The following GTF2F2 variants were observed in gnomAD, a reference collection of about 807,000 sequenced individuals.
The protein encoded by GTF2F2 is ATP-dependent helicase GTF2F2.
Under a neutral mutation model 42.2 loss-of-function variants are expected in GTF2F2, and 23 were observed. The ratio of observed to expected loss-of-function variants is 0.55; its 90% CI spans 0.39 to 0.77. GTF2F2 has a LOEUF of 0.77. Ranked by LOEUF, GTF2F2 falls within the 30% of genes least tolerant of loss-of-function variation. The pLI is 0.00. For synonymous variants in GTF2F2, 105 were observed against 100.8 expected, an observed-to-expected ratio of 1.04 and a Z score of -0.25; for missense variants, 261 against 287.2, an observed-to-expected ratio of 0.91 and a Z score of 0.66.
chr13:45,153,504 A>G, intron 4 of GTF2F2, among the ~76,000 whole-genome samples: 1 of 152,190 alleles, frequency 6.6e-6, no homozygotes. Flanking sequence ...GTGTAGTAGT[A>G]TGGGAGGCAG....
chr13:45,154,724 T>C (rs939925149), intron 4 of GTF2F2, among the ~76,000 whole-genome samples: 4 of 152,202 alleles, frequency 2.6e-5, no homozygotes, highest in Non-Finnish European at 5.9e-5. Context: ...AGAACAATGC[T>C]CAGTATATAA....
chr13:45,273,021 A>G (rs1876867746), intron 7 of GTF2F2, among the ~76,000 whole-genome samples: 1 of 144,826 alleles, frequency 6.9e-6, no homozygotes, highest in South Asian at 2.2e-4. Flanking sequence ...CCGCCTCCCG[A>G]GTTCAAGCAG....
chr13:45,202,866 T>C (rs1426501797), intron 4 of GTF2F2, among the ~76,000 whole-genome samples: 1 of 152,078 alleles, frequency 6.6e-6, no homozygotes, highest in Non-Finnish European at 1.5e-5. Flanking sequence ...GGCATGAGAA[T>C]TGCTTGAACC....
chr13:45,266,802 CA>C (rs1394459310), intron 6 of GTF2F2, among the ~76,000 whole-genome samples: 1 of 152,194 alleles, frequency 6.6e-6, no homozygotes, highest in Admixed American at 6.5e-5. Context: ...AACTACTGTT[CA>C]GAGGCCTGCT....
At chr13:45,191,841 A>G (rs1872671723) in intron 4 of GTF2F2, among the ~76,000 whole-genome samples, 1 of 152,176 alleles carries the variant, frequency 6.6e-6, no homozygotes, top group Admixed American at 6.5e-5. Flanking sequence ...AATGGTTTCT[A>G]TCAATAATAA....
At chr13:45,210,049 T>C (rs1222409501) in intron 5 of GTF2F2, among the ~76,000 whole-genome samples, 1 of 152,188 alleles carries the variant, frequency 6.6e-6, no homozygotes, top group Admixed American at 6.5e-5. Flanking sequence ...GCTTCCACCC[T>C]TGCCCCACTG....
At chr13:45,185,509 T>C (rs1872378169) in intron 4 of GTF2F2, among the ~76,000 whole-genome samples, 1 of 152,256 alleles carries the variant, frequency 6.6e-6, no homozygotes, top group Admixed American at 6.5e-5. Context: ...GTTTTCGTTT[T>C]GTTGTTTTAT....
intron 2 of GTF2F2, among the ~76,000 whole-genome samples, chr13:45,138,042 G>A (rs1049381861): frequency 1.3e-5 from 2 of 152,028 alleles, no homozygotes; most frequent in African/African-American, 4.8e-5. Context: ...CTTGAACTTC[G>A]GTGGAATTTG....
chr13:45,270,153 A>C (rs1876729494), intron 7 of GTF2F2, among the ~76,000 whole-genome samples: 1 of 152,046 alleles, frequency 6.6e-6, no homozygotes, highest in Non-Finnish European at 1.5e-5. Flanking sequence ...CTATAAGTAA[A>C]ATTATTGGCT....
intron 6 of GTF2F2, among the ~76,000 whole-genome samples, chr13:45,256,796 T>TA (rs1200624837): frequency 6.6e-6 from 1 of 152,142 alleles, no homozygotes; most frequent in Non-Finnish European, 1.5e-5. Flanking sequence ...AGACTTTTAA[T>TA]AAAAAATTTT....
At chr13:45,137,161 A>G (rs921400158) in intron 2 of GTF2F2, among the ~76,000 whole-genome samples, 2 of 152,220 alleles carry the variant, frequency 1.3e-5, no homozygotes, top group East Asian at 1.9e-4. Flanking sequence ...CACCAAGGAA[A>G]GTACTTGCAG....
At chr13:45,227,865 A>G (rs954688893) in intron 5 of GTF2F2, among the ~76,000 whole-genome samples, 3 of 152,164 alleles carry the variant, frequency 2.0e-5, no homozygotes, top group Non-Finnish European at 4.4e-5. Context: ...TGCCCAGGGA[A>G]TAAGGGAAAA....
At chr13:45,134,576 C>T (rs984905529) in intron 1 of GTF2F2, among the ~76,000 whole-genome samples, 8 of 152,010 alleles carry the variant, frequency 5.3e-5, no homozygotes, top group African/African-American at 1.5e-4. Flanking sequence ...TAAAGGAGAC[C>T]GAATGGGTAG....
intron 5 of GTF2F2, among the ~76,000 whole-genome samples, chr13:45,224,894 A>G (rs1015870821): frequency 3.9e-5 from 6 of 152,222 alleles, no homozygotes; most frequent in Non-Finnish European, 5.9e-5. Flanking sequence ...AGCCTCCAAC[A>G]TATTTTGTGG....
intron 5 of GTF2F2, among the ~76,000 whole-genome samples, chr13:45,210,353 A>G (rs1237065152): frequency 2.0e-5 from 3 of 152,110 alleles, no homozygotes; most frequent in African/African-American, 4.8e-5. Context: ...TTGCACAGAC[A>G]TTCTTTTTTG....
chr13:45,230,320 G>A (rs1478194664), intron 5 of GTF2F2, among the ~76,000 whole-genome samples: 2 of 152,180 alleles, frequency 1.3e-5, no homozygotes, highest in African/African-American at 4.8e-5. Context: ...CAGATACAAA[G>A]TACTGGAAAG....
At position 45,203,299 on chromosome 13, in the gene GTF2F2, A is replaced by G. The variant is rs1429059910; in HGVS notation, c.305-4125A>G. ...ACGGTTTCCTTGTGTTGCCTGGGCT[A>G]GTCTCAAACTCCTGGCCTCAAGTGA... On this transcript the variant is annotated intron_variant, in intron 4 of 7. Transcript: ENST00000340473. Among the ~76,000 whole-genome samples the G allele has an allele frequency of 2.0e-5, 3 of 147,824 alleles. No homozygotes were observed. The Admixed American group carries it at 2.0e-4, about 10-fold the overall frequency.
intron 7 of GTF2F2, among the ~76,000 whole-genome samples, chr13:45,280,822 T>A (rs1015657299): frequency 6.6e-6 from 1 of 152,244 alleles, no homozygotes; most frequent in Admixed American, 6.5e-5. Flanking sequence ...GGAGAGCTTC[T>A]TTTCTATGGA....
chr13:45,176,713 C>T (rs1871893724), intron 4 of GTF2F2, among the ~76,000 whole-genome samples: 1 of 152,022 alleles, frequency 6.6e-6, no homozygotes, highest in African/African-American at 2.4e-5. Flanking sequence ...CCTCTGTCAT[C>T]TTCCATAAGC....
Sources: allele counts gnomAD v4.1 joint callset (sites outside exome capture counted in the v4.1 genomes callset), GRCh38; gene constraint gnomAD v4.1.1; transcripts MANE v1.5; gene names NCBI Gene and HGNC (gene_info 2026-07-23, HGNC 2026-07-21).